Variants in SGK1 observed in about 807,000 individuals in gnomAD.
SGK1 encodes serine/threonine-protein kinase Sgk1.
SGK1 carries 26 observed loss-of-function variants against 64.2 expected under a neutral mutation model. The observed-to-expected ratio is 0.40, with a 90% confidence interval of 0.30 to 0.56. The LOEUF is 0.56. SGK1 is among the 20% of genes least tolerant of loss of function. SGK1 has a pLI of 0.38. For missense variants in SGK1, 519 were observed against 645.6 expected (o/e 0.80, Z 2.12); for synonymous variants, 265 against 239.7 (o/e 1.11, Z -0.98).
chr6:134,297,937 C>G (rs563233431), intron 1 of SGK1: 6 of 806,714 alleles, frequency 7.4e-6, no homozygotes, highest in African/African-American at 1.7e-5. Flanking sequence ...TGCGCCTTGA[C>G]CTCAGTGATG....
chr6:134,253,996 G>A (rs1019252589), intron 2 of SGK1, among the ~76,000 whole-genome samples: 1 of 151,954 alleles, frequency 6.6e-6, no homozygotes. Context: ...ATATGAGAGG[G>A]CAAACTTAAT....
chr6:134,288,111 G>A (rs144267962), intron 1 of SGK1, among the ~76,000 whole-genome samples: 2 of 152,282 alleles, frequency 1.3e-5, no homozygotes, highest in East Asian at 1.9e-4. Flanking sequence ...TGTTTACCAA[G>A]ACCCTTCTTA....
At chr6:134,198,708 TTCTTTTTC>T (rs1775632410) in intron 3 of SGK1, among the ~76,000 whole-genome samples, 1 of 141,326 alleles carries the variant, frequency 7.1e-6, no homozygotes, top group African/African-American at 2.6e-5. Context: ...ATTTTTTTTC[TTCTTTTTC>T]TCTTTTTCTA....
chr6:134,204,961 CTTTCTTTCTT>C (rs968473506), intron 3 of SGK1, among the ~76,000 whole-genome samples: 27 of 113,424 alleles, frequency 2.4e-4, no homozygotes, highest in Non-Finnish European at 5.5e-4. Context: ...CCTTTTCTTT[CTTTCTTTCTT>C]TTTCTTTCTT....
chr6:134,185,245 T>C (rs1775402829), intron 3 of SGK1, among the ~76,000 whole-genome samples: 1 of 152,230 alleles, frequency 6.6e-6, no homozygotes, highest in African/African-American at 2.4e-5. Flanking sequence ...TAGACTGTTT[T>C]CTTTCTGTCT....
rs182230788 is a variant in SGK1 at position 134,170,234 on chromosome 6, C to A, written c.*34G>T. 3 of 1,560,794 alleles carry A rather than the reference C, an allele frequency of 1.9e-6. No homozygotes were observed. Among genetic ancestry groups the A allele is most frequent in the South Asian group, 1.1e-5 (1 of 87,570 alleles). ...GCTAACTAAAACATTCGGAAACACA[C>A]ATAAAATCCTTTAAAACCAAGCCCT... On this transcript the variant is annotated 3_prime_UTR_variant, in exon 14 of 14. Transcript: ENST00000367858.
In SGK1 at chr6:134,170,860, T is replaced by C. The variant is rs1171390403; in HGVS notation, c.1379A>G (p.Asn460Ser). 8 of 1,611,546 alleles carry C rather than the reference T, an allele frequency of 5.0e-6. No homozygotes were observed. The highest frequency in any genetic ancestry group is 4.4e-5 in the South Asian group (4 of 91,014). The part of the protein sequence containing the change: ...FSLINWDDLI[N>S]KKITPPFNPN... ...GTTAAAAGGGGGAGTAATCTTCTTA[T>C]TAATGAGATCATCCCAGTTAATTAA... The change falls in exon 13 of 14, where the codon AAT becomes AGT. Residue 460 changes from asparagine to serine, a missense_variant. Around this residue, in one of 2 missense-constraint regions of SGK1, gnomAD observed 278 missense variants for 408.7 expected, o/e 0.68. Coordinates refer to ENST00000367858, the MANE Select transcript of SGK1 (RefSeq NM_001143676.3).
At chr6:134,265,637 T>C (rs1776843685) in intron 1 of SGK1, among the ~76,000 whole-genome samples, 4 of 142,694 alleles carry the variant, frequency 2.8e-5, no homozygotes, top group African/African-American at 5.2e-5. Flanking sequence ...TATATACATA[T>C]ATATATACAC....
intron 2 of SGK1, among the ~76,000 whole-genome samples, chr6:134,239,292 T>C (rs1414483981): frequency 1.3e-5 from 2 of 152,224 alleles, no homozygotes; most frequent in African/African-American, 4.8e-5. Flanking sequence ...CCTTCTCAAC[T>C]GGTGAGTGAT....
intron 3 of SGK1, among the ~76,000 whole-genome samples, chr6:134,195,863 T>C (rs1304710773): frequency 6.6e-6 from 1 of 152,120 alleles, no homozygotes; most frequent in Non-Finnish European, 1.5e-5. Context: ...AAAAAACAAG[T>C]TTGGGGTCCA....
chr6:134,197,632 C>T (rs1450133048), intron 3 of SGK1, among the ~76,000 whole-genome samples: 1 of 151,858 alleles, frequency 6.6e-6, no homozygotes, highest in Non-Finnish European at 1.5e-5. Flanking sequence ...TTGAGACCAG[C>T]CTGGCCAACA....
chr6:134,300,593 C>A, intron 1 of SGK1, among the ~76,000 whole-genome samples: 2 of 148,794 alleles, frequency 1.3e-5, no homozygotes, highest in Non-Finnish European at 1.5e-5. Context: ...AGGGATAGGC[C>A]CTGGAGATAA....
At chr6:134,183,317 T>C (rs1775360064) in intron 3 of SGK1, among the ~76,000 whole-genome samples, 1 of 151,462 alleles carries the variant, frequency 6.6e-6, no homozygotes, top group Non-Finnish European at 1.5e-5. Flanking sequence ...ACATGCTAAT[T>C]CTTCCCTTTT....
At chr6:134,191,973 G>A (rs1775519845) in intron 3 of SGK1, among the ~76,000 whole-genome samples, 2 of 150,612 alleles carry the variant, frequency 1.3e-5, no homozygotes, top group South Asian at 4.2e-4. Context: ...TAGCTGGGAC[G>A]GGGCCCGCCA....
intron 2 of SGK1, among the ~76,000 whole-genome samples, chr6:134,221,259 G>A (rs560111211): frequency 1.1e-4 from 17 of 152,012 alleles, no homozygotes; most frequent in Non-Finnish European, 2.5e-4. Flanking sequence ...AGCCAAGACT[G>A]TGCCACTGAT....
intron 1 of SGK1, among the ~76,000 whole-genome samples, chr6:134,304,144 C>T (rs1039246558): frequency 6.6e-6 from 1 of 152,156 alleles, no homozygotes; most frequent in South Asian, 2.1e-4. Context: ...GAAGCTTTCT[C>T]GGACTTTCTG....
chr6:134,248,789 T>C (rs1271648169), intron 2 of SGK1, among the ~76,000 whole-genome samples: 1 of 152,064 alleles, frequency 6.6e-6, no homozygotes, highest in African/African-American at 2.4e-5. Flanking sequence ...AGATTAAGAG[T>C]TCTGAAGTTA....
At chr6:134,191,927 G>A (rs904718208) in intron 3 of SGK1, among the ~76,000 whole-genome samples, 10 of 140,906 alleles carry the variant, frequency 7.1e-5, no homozygotes, top group Admixed American at 6.2e-4. Flanking sequence ...CTCCACCTCC[G>A]GGTTTCAAGG....
chr6:134,188,230 T>TC (rs1775453778), intron 3 of SGK1, among the ~76,000 whole-genome samples: 1 of 152,154 alleles, frequency 6.6e-6, no homozygotes, highest in Non-Finnish European at 1.5e-5. Flanking sequence ...TTTTTTTTTT[T>TC]GCTCATTCAG....
Sources: allele counts gnomAD v4.1 joint callset (sites outside exome capture counted in the v4.1 genomes callset), GRCh38; gene constraint gnomAD v4.1.1; regional missense constraint gnomAD v4.1.1; transcripts MANE v1.5; gene names NCBI Gene and HGNC (gene_info 2026-07-23, HGNC 2026-07-21).